KLHL18: variants seen among roughly 807,000 people sequenced by gnomAD.
KLHL18 encodes kelch like family member 18.
Under a neutral mutation model 58.5 loss-of-function variants are expected in KLHL18, and 38 were observed. That is an observed-to-expected ratio of 0.65 (90% CI 0.50 to 0.85). KLHL18 has a LOEUF of 0.85. Among genes scored for constraint, KLHL18 ranks in the 40% least tolerant of loss-of-function variants. KLHL18 has a pLI of 0.00. For missense variants in KLHL18, 624 were observed against 778.4 expected (o/e 0.80, Z 2.36); for synonymous variants, 303 against 301.9 (o/e 1.00, Z -0.04).
intron 1 of KLHL18, among the ~76,000 whole-genome samples, chr3:47,300,393 A>G (rs199510547): frequency 1.6e-4 from 7 of 44,934 alleles, no homozygotes; most frequent in African/African-American, 3.7e-4. Context: ...ATATGTGTAT[A>G]TGTGTGTGTG....
rs369425483 is a variant in KLHL18, at chr3:47,283,110, C to A, written c.129+16C>A. The A allele has an allele frequency of 7.2e-6, 11 of 1,521,200 alleles. No homozygotes were observed. The highest frequency in any genetic ancestry group is 5.7e-5 in the African/African-American group (4 of 70,520). The allele number at this position is 1,521,200 out of a possible 1,614,324, so 94.2% of individuals were successfully genotyped here. A position where few individuals can be genotyped will look rare whatever the true frequency, so the allele number is the denominator to read the frequency against. ...GACCCTCAAGGTACCGCGGACTGGG[C>A]GGCAGCGGGCTGAGGGAAAAGGGGT... On this transcript the variant is annotated intron_variant, in intron 1 of 9. Transcript: ENST00000232766.
At chr3:47,294,474 A>G (rs1267569402) in intron 1 of KLHL18, among the ~76,000 whole-genome samples, 1 of 152,198 alleles carries the variant, frequency 6.6e-6, no homozygotes, top group African/African-American at 2.4e-5. Context: ...ATAGAGATCT[A>G]AATGAAGTGA....
chr3:47,317,974 C>T (rs1262300288), intron 1 of KLHL18, among the ~76,000 whole-genome samples: 1 of 152,130 alleles, frequency 6.6e-6, no homozygotes, highest in Non-Finnish European at 1.5e-5. Context: ...GTTCAAGCGA[C>T]TCTCCTGCCC....
At position 47,329,993 on chromosome 3, in the gene KLHL18, G is replaced by A; in HGVS notation, c.444G>A (p.Glu148=). The part of the protein sequence containing the change: ...KNCLGVRQFA[E]TMMCAVLYDA... ...GCCTGGGTGTGCGCCAGTTTGCTGA[G>A]ACAATGATGTGTGCTGTGCTGTACG... The change falls in exon 4 of 10, where the codon GAG becomes GAA. Residue 148 remains glutamate (E), a synonymous_variant. Coordinates refer to ENST00000232766, the MANE Select transcript of KLHL18 (RefSeq NM_025010.5). 1.2e-6 allele frequency: 2 copies of A among 1,614,116 alleles called. No homozygotes were observed. Among genetic ancestry groups the A allele is most frequent in the Non-Finnish European group, 1.7e-6 (2 of 1,180,020 alleles).
intron 1 of KLHL18, among the ~76,000 whole-genome samples, chr3:47,292,904 C>CAAA (rs35830922): frequency 9.1e-6 from 1 of 109,358 alleles, no homozygotes; most frequent in Non-Finnish European, 1.9e-5. Flanking sequence ...GACCCTGTCT[C>CAAA]AAAAAAAAAA....
chr3:47,325,047 T>C (rs1703682595), intron 3 of KLHL18, among the ~76,000 whole-genome samples: 1 of 152,170 alleles, frequency 6.6e-6, no homozygotes, highest in African/African-American at 2.4e-5. Context: ...CTGCTTTCTG[T>C]TTTCTCACCA....
intron 7 of KLHL18, chr3:47,338,884 A>G (rs1351247847): frequency 2.0e-5 from 3 of 152,250 alleles, no homozygotes; most frequent in Non-Finnish European, 4.4e-5. Flanking sequence ...TTAGAAACCT[A>G]GATTCATTTT....
chr3:47,284,011 T>A (rs1370103412), intron 1 of KLHL18, among the ~76,000 whole-genome samples: 2 of 152,156 alleles, frequency 1.3e-5, no homozygotes, highest in Non-Finnish European at 2.9e-5. Context: ...GGCGAGAGGA[T>A]CACTTGAGTG....
chr3:47,319,822 C>T (rs759932103), intron 2 of KLHL18, 39 bp downstream of exon 2: 2 of 1,608,008 alleles, frequency 1.2e-6, no homozygotes, highest in South Asian at 2.2e-5. Flanking sequence ...GGCTGCTTTC[C>T]AAGTGCAGTT....
intron 4 of KLHL18, among the ~76,000 whole-genome samples, chr3:47,332,198 A>G (rs754925383): frequency 6.6e-6 from 1 of 151,966 alleles, no homozygotes; most frequent in African/African-American, 2.4e-5. Flanking sequence ...AAAAGCACAG[A>G]AGTTAGCCAG....
rs1343042723 is a variant in KLHL18, at chr3:47,288,213, CTG to C, written c.129+5121_129+5122del. Among the ~76,000 whole-genome samples the C allele has an allele frequency of 2.5e-5, 3 of 119,356 alleles. No homozygotes were observed. The South Asian group carries it at 8.5e-4, about 34-fold the overall frequency. 78.3% of individuals were successfully genotyped at this position (119,356 alleles called of 152,430 possible). On this transcript the variant is annotated intron_variant, in intron 1 of 9. Coordinates refer to ENST00000232766, the MANE Select transcript of KLHL18 (RefSeq NM_025010.5). Reference sequence around the variant, plus strand: ...TCCAGCCTGGGGACAGAGTGAGACTCTGTCTCCAAAAAAAAAAAAAAAAAAAA... The same window carrying C: ...TCCAGCCTGGGGACAGAGTGAGACTCTCTCCAAAAAAAAAAAAAAAAAAAA...
At chr3:47,319,106 G>A (rs1297341477) in intron 1 of KLHL18, among the ~76,000 whole-genome samples, 2 of 152,220 alleles carry the variant, frequency 1.3e-5, no homozygotes, top group East Asian at 1.9e-4. Flanking sequence ...CTCATTGGAG[G>A]AAGAGTTGGC....
At chr3:47,293,439 T>C (rs934202329) in intron 1 of KLHL18, among the ~76,000 whole-genome samples, 2 of 152,150 alleles carry the variant, frequency 1.3e-5, no homozygotes, top group Admixed American at 1.3e-4. Context: ...TGCTAAGGAG[T>C]AATCTTTCCT....
intron 1 of KLHL18, among the ~76,000 whole-genome samples, chr3:47,318,215 T>C (rs1703501467): frequency 6.6e-6 from 1 of 152,220 alleles, no homozygotes; most frequent in Non-Finnish European, 1.5e-5. Context: ...CAGTTTCTGC[T>C]GGCCAGGAGT....
chr3:47,327,690 A>G (rs1703758021), intron 3 of KLHL18, among the ~76,000 whole-genome samples: 1 of 152,206 alleles, frequency 6.6e-6, no homozygotes, highest in South Asian at 2.1e-4. Context: ...GTGCTCTTCT[A>G]AATTCACATC....
In KLHL18 at chr3:47,343,567, A is replaced by C; in HGVS notation, c.1351A>C (p.Asn451His). 6.2e-7 allele frequency: 1 copy of C among 1,613,464 alleles called. No homozygotes were observed. The highest frequency in any genetic ancestry group is 1.1e-5 in the South Asian group (1 of 91,038). The change falls in exon 10 of 10, where the codon AAC becomes CAC. Residue 451 changes from asparagine to histidine, a missense_variant. By Grantham distance (68) the Asn-to-His change is moderately conservative. Coordinates refer to ENST00000232766, the MANE Select transcript of KLHL18 (RefSeq NM_025010.5). ...CTCCCCACTGCAGGTGGAACACTAC[A>C]ACCACCACACAGCCACCTGGCACCC... ...LQIFSSVEHY[N>H]HHTATWHPAA...
chr3:47,320,596 A>G (rs979776990), intron 2 of KLHL18, among the ~76,000 whole-genome samples: 1 of 152,190 alleles, frequency 6.6e-6, no homozygotes, highest in African/African-American at 2.4e-5. Flanking sequence ...ATACCGGAAG[A>G]GGATTTATAT....
chr3:47,337,846 A>G (rs2107659406), intron 7 of KLHL18: 1 of 152,272 alleles, frequency 6.6e-6, no homozygotes, highest in South Asian at 2.1e-4. Flanking sequence ...TGAGTGACTC[A>G]TTGCTCCGTG....
rs111658264 is a variant in KLHL18 at position 47,334,478 on chromosome 3, C to T, written c.762-205C>T. ...ACTAGCTGAGGTGGTCTTTGCTTGT[C>T]TTGCCCCTTTAATTTTGAGTATATC... is the stretch of plus-strand genomic sequence containing the variant. On this transcript the variant is annotated intron_variant, in intron 5 of 9. Transcript: ENST00000232766. This position sits in a 1 kb window ranked among gnomAD's most constrained non-coding sequence, Gnocchi z 4.7. 2.4e-4 allele frequency among the ~76,000 whole-genome samples: 37 copies of T among 152,264 alleles called. No individual in the cohort carries two copies. Among genetic ancestry groups the T allele is most frequent in the African/African-American group, 8.4e-4 (35 of 41,534 alleles).
Sources: gnomAD v4.1 joint callset for allele counts (sites outside exome capture counted in the v4.1 genomes callset) on GRCh38, gnomAD v4.1.1 for gene constraint, Gnocchi (gnomAD v3.1) non-coding constraint, MANE v1.5 for transcripts, NCBI Gene and HGNC (gene_info 2026-07-23, HGNC 2026-07-21) for gene names.